The following DPRX variants were observed in gnomAD, a reference collection of about 807,000 sequenced individuals.
DPRX encodes divergent paired-related homeobox.
Under a neutral mutation model 8.4 loss-of-function variants are expected in DPRX, and 11 were observed. That is an observed-to-expected ratio of 1.31 (90% confidence interval 0.82 to 2.17). DPRX has a LOEUF of 2.17. Among genes scored for constraint, DPRX ranks in the 30% most tolerant of loss-of-function variants. DPRX has a pLI of 0.00. For missense variants in DPRX, 211 were observed against 236.7 expected (o/e 0.89, Z 0.71); for synonymous variants, 72 against 87.0 (o/e 0.83, Z 0.96).
chr19:53,610,804 C>A, the DPRX span, among the ~76,000 whole-genome samples: 1 of 152,266 alleles, frequency 6.6e-6, no homozygotes, highest in East Asian at 1.9e-4. Flanking sequence ...GGAGACAATT[C>A]TTCTTCTTCC....
the DPRX span, among the ~76,000 whole-genome samples, chr19:53,611,615 TA>T: frequency 6.6e-6 from 1 of 151,952 alleles, no homozygotes; most frequent in African/African-American, 2.4e-5. Context: ...AAGAGATTTT[TA>T]AAAAAAACAT....
At chr19:53,623,895 A>ATT in the DPRX span, among the ~76,000 whole-genome samples, 5 of 151,642 alleles carry the variant, frequency 3.3e-5, no homozygotes, top group Non-Finnish European at 5.9e-5. Flanking sequence ...GGTTGCAGTG[A>ATT]GCCAAGATTG....
chr19:53,608,619 C>T, the DPRX span, among the ~76,000 whole-genome samples: 5 of 152,124 alleles, frequency 3.3e-5, no homozygotes, highest in South Asian at 2.1e-4. Context: ...TGCACAATGC[C>T]GTGGATGTAC....
chr19:53,618,012 G>GT, the DPRX span, among the ~76,000 whole-genome samples: 4 of 151,298 alleles, frequency 2.6e-5, no homozygotes, highest in Non-Finnish European at 5.9e-5. Flanking sequence ...GTGGTGGCGG[G>GT]GCACCTGTAA....
chr19:53,632,050 G>T, upstream of DPRX: 1 of 1,612,274 alleles, frequency 6.2e-7, no homozygotes. Context: ...ATCCGGATTT[G>T]ATCTTTGCTA....
the DPRX span, among the ~76,000 whole-genome samples, chr19:53,610,542 C>G: frequency 1.3e-5 from 2 of 152,126 alleles, no homozygotes; most frequent in African/African-American, 4.8e-5. Context: ...ACTTAGAAAG[C>G]TTAGCTGCAG....
chr19:53,618,374 T>C, the DPRX span, among the ~76,000 whole-genome samples: 2 of 151,866 alleles, frequency 1.3e-5, no homozygotes, highest in Non-Finnish European at 2.9e-5. Flanking sequence ...TGTGTGATGG[T>C]AGATTATTTC....
chr19:53,612,221 A>C, the DPRX span, among the ~76,000 whole-genome samples: 1 of 152,002 alleles, frequency 6.6e-6, no homozygotes, highest in East Asian at 1.9e-4. Context: ...CCATCTCTAC[A>C]AAAAATTTAA....
In DPRX at chr19:53,632,225, G is replaced by A. The variant is rs189230500; in HGVS notation, c.28+91G>A. 27 of 1,577,164 alleles carry A rather than the reference G, an allele frequency of 1.7e-5. No individual in the cohort carries two copies. In the East Asian group the frequency reaches 4.7e-4, roughly 28 times the overall value. ...GAAAAGGCAGAGGGACCAGGCGGCC[G>A]AAGCTGGTGCTTCGTCCACGTGGGT... On this transcript the variant is annotated intron_variant, in intron 1 of 2. Transcript: ENST00000376650.
At chr19:53,636,615 G>C in exon 3 of DPRX, 1 of 1,612,108 alleles carries the variant, frequency 6.2e-7, no homozygotes, top group Non-Finnish European at 8.5e-7. Flanking sequence ...AAGAATCACA[G>C]AGCAAAACTC....
chr19:53,621,952 C>T, the DPRX span, among the ~76,000 whole-genome samples: 1 of 152,282 alleles, frequency 6.6e-6, no homozygotes, highest in South Asian at 2.1e-4. Context: ...TGATACTCAT[C>T]TGTTTCCCCC....
At chr19:53,614,202 G>A in the DPRX span, among the ~76,000 whole-genome samples, 5 of 152,092 alleles carry the variant, frequency 3.3e-5, no homozygotes, top group South Asian at 2.1e-4. Context: ...TGCCCGCCTC[G>A]GCCTCCCAAA....
At chr19:53,610,151 C>CTCAAAAA in the DPRX span, among the ~76,000 whole-genome samples, 1 of 77,734 alleles carries the variant, frequency 1.3e-5, no homozygotes, top group East Asian at 4.3e-4. Flanking sequence ...AACTGTGTCT[C>CTCAAAAA]AAAAAAAAAA....
intron 2 of DPRX, 60 bp from the exon 3 acceptor site, chr19:53,636,536 A>T (rs1334933827): frequency 5.3e-6 from 7 of 1,316,888 alleles, no homozygotes; most frequent in Non-Finnish European, 6.8e-6. Context: ...AAAATTTTTT[A>T]AAAATAGAAT....
At chr19:53,613,903 TA>T in the DPRX span, among the ~76,000 whole-genome samples, 3 of 151,992 alleles carry the variant, frequency 2.0e-5, no homozygotes, top group Non-Finnish European at 4.4e-5. Context: ...TTTGCCTTTG[TA>T]AAATATGTGT....
At chr19:53,626,122 CA>C in the DPRX span, among the ~76,000 whole-genome samples, 1 of 150,700 alleles carries the variant, frequency 6.6e-6, no homozygotes, top group Non-Finnish European at 1.5e-5. Context: ...ATTTTTGGTA[CA>C]GACGAGACTT....
the DPRX span, among the ~76,000 whole-genome samples, chr19:53,622,337 A>G: frequency 3.3e-5 from 5 of 150,538 alleles, no homozygotes; most frequent in Non-Finnish European, 7.4e-5. Context: ...ATATTTAGTT[A>G]AGAGAGAGAG....
the DPRX span, among the ~76,000 whole-genome samples, chr19:53,611,660 A>C: frequency 2.6e-5 from 4 of 152,210 alleles, no homozygotes; most frequent in African/African-American, 9.6e-5. Flanking sequence ...AATAACACGA[A>C]CACACTTCAT....
upstream of DPRX, among the ~76,000 whole-genome samples, chr19:53,629,479 C>T (rs942540844): frequency 1.4e-4 from 21 of 149,962 alleles, no homozygotes; most frequent in Non-Finnish European, 2.4e-4. Context: ...TGGGCTCAAG[C>T]GATCCTCCCT....
Sources: allele counts gnomAD v4.1 joint callset (sites outside exome capture counted in the v4.1 genomes callset), GRCh38; gene constraint gnomAD v4.1.1; transcripts MANE v1.5; gene names NCBI Gene and HGNC (gene_info 2026-07-23, HGNC 2026-07-21).